The following THRAP3 variants were observed in gnomAD, a reference collection of about 807,000 sequenced individuals.
THRAP3 encodes thyroid hormone receptor-associated protein 3.
THRAP3 carries 16 observed loss-of-function variants against 101.0 expected under a neutral mutation model. That is an observed-to-expected ratio of 0.16 (90% CI 0.11 to 0.24). The LOEUF (loss-of-function observed/expected upper bound fraction) is 0.24. Ranked by LOEUF, THRAP3 falls within the 10% of genes least tolerant of loss-of-function variation. The probability of loss-of-function intolerance (pLI) is 1.00; values close to 1 mark genes in which losing one functional copy is unlikely to be tolerated. For synonymous variants in THRAP3, 407 were observed against 422.6 expected (o/e 0.96, Z 0.45); for missense variants, 989 against 1,202.7 (o/e 0.82, Z 2.63).
intron 2 of THRAP3, among the ~76,000 whole-genome samples, chr1:36,272,612 C>T (rs749617724): frequency 6.6e-6 from 1 of 152,226 alleles, no homozygotes; most frequent in Non-Finnish European, 1.5e-5. Flanking sequence ...GTCAGGCCCA[C>T]CCCACTGCTT....
chr1:36,298,970 T>G (rs1439165881), intron 9 of THRAP3, among the ~76,000 whole-genome samples: 2 of 152,188 alleles, frequency 1.3e-5, no homozygotes, highest in Admixed American at 6.5e-5. Flanking sequence ...AATTTTGTAT[T>G]TCTTGTAGAG....
Position 36,287,866 on chromosome 1 carries a change from G to T in THRAP3, c.1040+596G>T, listed in dbSNP as rs892875787. On this transcript the variant is annotated intron_variant, in intron 4 of 11. Transcript: ENST00000354618. ...GTGCTTCCGTCTTTCTCCCCTGGGG[G>T]ACACGGTGAGTTGGAACATGAATCT... The T allele has an allele frequency of 1.0e-5, 10 of 985,350 alleles. No individual in the cohort carries two copies. In the East Asian group the frequency reaches 4.5e-4, roughly 45 times the overall value. 61.0% of individuals were successfully genotyped at this position (985,350 alleles called of 1,614,324 possible).
At chr1:36,225,622 C>T (rs1644953219) in intron 1 of THRAP3, among the ~76,000 whole-genome samples, 2 of 151,616 alleles carry the variant, frequency 1.3e-5, no homozygotes, top group Admixed American at 6.6e-5. Flanking sequence ...CGTTATTTTT[C>T]TTCTGTTTCA....
intron 9 of THRAP3, 28 bp downstream of exon 9, chr1:36,296,798 G>C (rs1645958107): frequency 2.6e-6 from 4 of 1,529,412 alleles, no homozygotes; most frequent in Middle Eastern, 3.5e-4. Context: ...ACCCCTTCCA[G>C]ACTCTTAAGT....
upstream of THRAP3, among the ~76,000 whole-genome samples, chr1:36,223,122 C>CAATA (rs546686168): frequency 0.019 from 2,844 of 151,664 alleles, 37 homozygotes; most frequent in Non-Finnish European, 0.027. Context: ...GGGAGAATCT[C>CAATA]AATAAATAAA....
upstream of THRAP3, among the ~76,000 whole-genome samples, chr1:36,221,788 G>A (rs1021336018): frequency 6.7e-6 from 1 of 150,242 alleles, no homozygotes; most frequent in African/African-American, 2.4e-5. Context: ...GTTTCACCGT[G>A]TTGGTCAGGC....
chr1:36,266,180 G>A (rs560429945), intron 2 of THRAP3, among the ~76,000 whole-genome samples: 60 of 144,086 alleles, frequency 4.2e-4, no homozygotes, highest in African/African-American at 1.3e-3. Flanking sequence ...AAAAAGCCAA[G>A]CATTGTGGCG....
At chr1:36,291,613 G>A (rs1195531904) in intron 6 of THRAP3, 67 bp downstream of exon 6, 15 of 1,557,636 alleles carry the variant, frequency 9.6e-6, no homozygotes, top group South Asian at 8.2e-5. Flanking sequence ...AATGATGGGT[G>A]GATAAGGAGT....
intron 1 of THRAP3, among the ~76,000 whole-genome samples, chr1:36,236,353 T>G (rs1645088341): frequency 6.6e-6 from 1 of 152,194 alleles, no homozygotes; most frequent in African/African-American, 2.4e-5. Context: ...TCAGTCATAC[T>G]AGCTATATAG....
In THRAP3 at chr1:36,293,916, C is replaced by T. The variant is rs1645913991; in HGVS notation, c.2096C>T (p.Pro699Leu). Reference sequence around the variant, plus strand: ...TTGGCTCATGATGAAATGAAAAGTCCCCGGGAACCTGGCTACAAGGTGAAC... The same window carrying T: ...TTGGCTCATGATGAAATGAAAAGTCTCCGGGAACCTGGCTACAAGGTGAAC... ...HGLAHDEMKS[P>L]REPGYKAEGK... The change falls in exon 8 of 12, where the codon CCC becomes CTC. Residue 699 changes from proline to leucine, a missense_variant. Transcript: ENST00000354618. 2 of 1,613,346 alleles carry T rather than the reference C, an allele frequency of 1.2e-6. No individual in the cohort carries two copies. The highest frequency in any genetic ancestry group is 1.3e-5 in the African/African-American group (1 of 74,952).
intron 2 of THRAP3, among the ~76,000 whole-genome samples, chr1:36,270,348 C>T (rs902465854): frequency 3.5e-4 from 54 of 152,142 alleles, no homozygotes; most frequent in Non-Finnish European, 2.9e-4. Flanking sequence ...GAGCTATAAT[C>T]GAGCCACTGC....
intron 2 of THRAP3, among the ~76,000 whole-genome samples, chr1:36,265,436 A>G (rs1645500895): frequency 6.7e-6 from 1 of 148,208 alleles, no homozygotes; most frequent in Non-Finnish European, 1.5e-5. Context: ...TTCTACTTAC[A>G]GTTAGGTGTA....
intron 8 of THRAP3, among the ~76,000 whole-genome samples, chr1:36,294,533 T>C (rs777567426): frequency 3.9e-5 from 6 of 152,224 alleles, no homozygotes; most frequent in African/African-American, 7.2e-5. Context: ...AATAACTAAA[T>C]TGGGCTTTAA....
chr1:36,250,109 AT>A, intron 1 of THRAP3, among the ~76,000 whole-genome samples: 1 of 152,164 alleles, frequency 6.6e-6, no homozygotes, highest in Admixed American at 6.6e-5. Context: ...CGGCAATTAC[AT>A]AAGGTAGACT....
At chr1:36,258,560 C>T (rs1215738749) in intron 1 of THRAP3, among the ~76,000 whole-genome samples, 1 of 152,152 alleles carries the variant, frequency 6.6e-6, no homozygotes, top group African/African-American at 2.4e-5. Flanking sequence ...ACCGCAAGCT[C>T]CACCTCCTGG....
chr1:36,291,327 TC>T, intron 5 of THRAP3, 46 bp from the exon 6 acceptor site: 1 of 1,566,258 alleles, frequency 6.4e-7, no homozygotes, highest in Non-Finnish European at 8.7e-7. Context: ...TTAATGTTCT[TC>T]CTGTGTATTG....
At chr1:36,295,565 C>G (rs1217419387) in intron 8 of THRAP3, among the ~76,000 whole-genome samples, 2 of 151,572 alleles carry the variant, frequency 1.3e-5, no homozygotes, top group African/African-American at 4.8e-5. Context: ...TCCTTCCTTC[C>G]TTCCTTCCTT....
intron 3 of THRAP3, 46 bp downstream of exon 3, chr1:36,282,746 CGATGTGGATGTTTGAA>C (rs1256087933): frequency 1.2e-6 from 2 of 1,605,140 alleles, no homozygotes; most frequent in African/African-American, 2.7e-5. Context: ...TTGCATCAGT[CGATGTGGATGTTTGAA>C]GATCTTTTGT....
At chr1:36,231,359 G>C (rs542405773) in intron 1 of THRAP3, among the ~76,000 whole-genome samples, 21 of 152,248 alleles carry the variant, frequency 1.4e-4, no homozygotes, top group African/African-American at 4.1e-4. Flanking sequence ...TTGTTTAGCT[G>C]GTATGTGTTC....
Sources: allele counts gnomAD v4.1 joint callset (sites outside exome capture counted in the v4.1 genomes callset), GRCh38; gene constraint gnomAD v4.1.1; transcripts MANE v1.5; gene names NCBI Gene and HGNC (gene_info 2026-07-23, HGNC 2026-07-21).